Variants in CLYBL observed in about 807,000 individuals in gnomAD.
CLYBL encodes the protein citramalyl-CoA lyase, mitochondrial.
Under a neutral mutation model 38.9 loss-of-function variants are expected in CLYBL, and 31 were observed. The ratio of observed to expected loss-of-function variants is 0.80; its 90% CI spans 0.60 to 1.08. The LOEUF is 1.08. CLYBL is among the 50% of genes least tolerant of loss of function. The pLI, the probability that CLYBL is intolerant of heterozygous loss-of-function variation, is 0.00. For missense variants in CLYBL, 434 were observed against 411.6 expected, an observed-to-expected ratio of 1.05 and a Z score of -0.47; for synonymous variants, 171 against 158.6, an observed-to-expected ratio of 1.08 and a Z score of -0.59.
At chr13:99,670,958 G>T (rs2047556666) in intron 1 of CLYBL, among the ~76,000 whole-genome samples, 1 of 152,124 alleles carries the variant, frequency 6.6e-6, no homozygotes, top group South Asian at 2.1e-4. Context: ...CCTTACTGTG[G>T]CCACCAAAGC....
chr13:99,719,883 A>G (rs190502743), intron 1 of CLYBL, among the ~76,000 whole-genome samples: 48 of 152,094 alleles, frequency 3.2e-4, no homozygotes, highest in Admixed American at 3.1e-3. Flanking sequence ...TTTTAGGTGT[A>G]TCTTTTATAA....
At chr13:99,842,956 C>T (rs529935654) in intron 2 of CLYBL, among the ~76,000 whole-genome samples, 6 of 152,016 alleles carry the variant, frequency 3.9e-5, no homozygotes, top group African/African-American at 1.5e-4. Context: ...TTTAACCTAA[C>T]ATTTATTAAC....
intron 1 of CLYBL, among the ~76,000 whole-genome samples, chr13:99,732,354 C>A (rs980082676): frequency 6.6e-6 from 1 of 151,868 alleles, no homozygotes; most frequent in East Asian, 1.9e-4. Flanking sequence ...CCACCACACC[C>A]GGCTAAGTTT....
chr13:99,757,024 G>A (rs745411542), intron 1 of CLYBL, among the ~76,000 whole-genome samples: 5 of 152,002 alleles, frequency 3.3e-5, no homozygotes, highest in Non-Finnish European at 7.4e-5. Context: ...AGCCTCAGGA[G>A]TAGTGGGGAC....
intron 7 of CLYBL, among the ~76,000 whole-genome samples, chr13:99,876,257 CA>C (rs2052038534): frequency 6.7e-6 from 1 of 149,652 alleles, no homozygotes; most frequent in African/African-American, 2.5e-5. Flanking sequence ...CCGTCTCTAC[CA>C]AAAATACAAA....
At chr13:99,726,367 A>G (rs1465369523) in intron 1 of CLYBL, 5 of 152,200 alleles carry the variant, frequency 3.3e-5, no homozygotes, top group Non-Finnish European at 7.3e-5. Flanking sequence ...ACACCTAACT[A>G]TCCTGCTTCT....
chr13:99,673,133 G>T (rs2047592324), intron 1 of CLYBL, among the ~76,000 whole-genome samples: 1 of 152,174 alleles, frequency 6.6e-6, no homozygotes, highest in Non-Finnish European at 1.5e-5. Flanking sequence ...TGCAACAGGG[G>T]CCAGGCATGG....
chr13:99,874,765 C>T (rs1395382621), intron 7 of CLYBL, among the ~76,000 whole-genome samples: 2 of 152,164 alleles, frequency 1.3e-5, no homozygotes, highest in African/African-American at 4.8e-5. Context: ...CCATATTCAT[C>T]ACTCTTAGGC....
intron 1 of CLYBL, among the ~76,000 whole-genome samples, chr13:99,767,877 A>T (rs2049298843): frequency 6.6e-6 from 1 of 151,922 alleles, no homozygotes. Context: ...TTCTTCCTTT[A>T]GTTCTTTGAG....
chr13:99,812,054 G>A (rs759329687), intron 2 of CLYBL, among the ~76,000 whole-genome samples: 32 of 152,162 alleles, frequency 2.1e-4, no homozygotes, highest in Non-Finnish European at 3.8e-4. Context: ...GTTTGCAGCC[G>A]ACATATTGGG....
intron 2 of CLYBL, among the ~76,000 whole-genome samples, chr13:99,813,868 G>A (rs1292151109): frequency 6.6e-6 from 1 of 152,076 alleles, no homozygotes; most frequent in Non-Finnish European, 1.5e-5. Flanking sequence ...AGCCCAATAA[G>A]CTACTTAAAA....
At chr13:99,891,097 C>T (rs931897237) in intron 7 of CLYBL, among the ~76,000 whole-genome samples, 3 of 152,038 alleles carry the variant, frequency 2.0e-5, no homozygotes. Flanking sequence ...ATGTGTTTCT[C>T]CTCTCCATTA....
At chr13:99,870,610 A>C (rs1038055412) in intron 6 of CLYBL, among the ~76,000 whole-genome samples, 1 of 152,182 alleles carries the variant, frequency 6.6e-6, no homozygotes, top group Non-Finnish European at 1.5e-5. Context: ...ATTATCCTTT[A>C]AAGTCCCAGC....
At chr13:99,870,279 A>G (rs2051850118) in intron 6 of CLYBL, among the ~76,000 whole-genome samples, 1 of 152,152 alleles carries the variant, frequency 6.6e-6, no homozygotes, top group African/African-American at 2.4e-5. Flanking sequence ...GCAGTGTTCA[A>G]ATCTGCCTTC....
intron 2 of CLYBL, among the ~76,000 whole-genome samples, chr13:99,858,597 G>A (rs1339193042): frequency 1.3e-5 from 2 of 152,192 alleles, no homozygotes; most frequent in African/African-American, 2.4e-5. Context: ...TGAGAAAGAC[G>A]ACACTTCCAT....
At chr13:99,753,207 C>T (rs1245405955) in intron 1 of CLYBL, among the ~76,000 whole-genome samples, 3 of 152,078 alleles carry the variant, frequency 2.0e-5, no homozygotes, top group South Asian at 4.1e-4. Flanking sequence ...GCAGAGGAGA[C>T]GGATGGGCCA....
chr13:99,854,809 T>C (rs2051419283), intron 2 of CLYBL, among the ~76,000 whole-genome samples: 1 of 152,154 alleles, frequency 6.6e-6, no homozygotes, highest in African/African-American at 2.4e-5. Flanking sequence ...CTTCCCCAGG[T>C]GATAGGAATC....
downstream of CLYBL, among the ~76,000 whole-genome samples, chr13:99,899,619 C>T (rs919518205): frequency 3.9e-5 from 6 of 151,986 alleles, no homozygotes; most frequent in East Asian, 3.8e-4. Flanking sequence ...CACAACGATA[C>T]GAATGTACTT....
intron 1 of CLYBL, among the ~76,000 whole-genome samples, chr13:99,715,221 T>C (rs2048294079): frequency 6.6e-6 from 1 of 152,154 alleles, no homozygotes; most frequent in African/African-American, 2.4e-5. Context: ...ATTCTCATTA[T>C]TCCATACCTG....
Sources: gnomAD v4.1 joint callset for allele counts (sites outside exome capture counted in the v4.1 genomes callset) on GRCh38, gnomAD v4.1.1 for gene constraint, MANE v1.5 for transcripts, NCBI Gene and HGNC (gene_info 2026-07-23, HGNC 2026-07-21) for gene names.